Variants in FGGY observed in about 807,000 individuals in gnomAD.
FGGY encodes FGGY carbohydrate kinase domain containing.
In FGGY, 72 loss-of-function variants were observed where a neutral mutation model predicts 71.3. That is an observed-to-expected ratio of 1.01 (90% CI 0.84 to 1.23). The LOEUF is 1.23. FGGY is among the 50% of genes most tolerant of loss of function. The pLI is 0.00. For missense variants in FGGY, 668 were observed against 682.3 expected, an observed-to-expected ratio of 0.98 and a Z score of 0.23; for synonymous variants, 251 against 250.3, an observed-to-expected ratio of 1.00 and a Z score of -0.02.
chr1:59,297,701 C>CA (rs1212628299), intron 1 of FGGY, among the ~76,000 whole-genome samples: 5 of 152,010 alleles, frequency 3.3e-5, no homozygotes, highest in Admixed American at 1.3e-4. Flanking sequence ...CGGGCGCCTG[C>CA]AGTCCCAGCT....
At chr1:59,592,682 A>G (rs188617791) in intron 8 of FGGY, among the ~76,000 whole-genome samples, 343 of 152,062 alleles carry the variant, frequency 2.3e-3, no homozygotes, top group African/African-American at 7.7e-3. Context: ...AACTATAGCA[A>G]GAACAAAAGA....
intron 8 of FGGY, among the ~76,000 whole-genome samples, chr1:59,602,901 C>T (rs115540937): frequency 1.3e-3 from 199 of 152,244 alleles, no homozygotes; most frequent in Middle Eastern, 3.4e-3. Flanking sequence ...CTGAGGTAAG[C>T]GACCATGCCA....
At chr1:59,419,230 T>C (rs113282017) in intron 5 of FGGY, among the ~76,000 whole-genome samples, 2,228 of 152,290 alleles carry the variant, frequency 0.015, 59 homozygotes, top group African/African-American at 0.051. Context: ...TATATGATTA[T>C]GGCTTTTTAG....
Position 59,607,831 on chromosome 1 carries a change from G to T in FGGY, c.932G>T (p.Gly311Val), listed in dbSNP as rs960761496. ...AGCAAAGACCCGATTTTTGTACCAG[G>T]CGTCTGGGGGCCTTATTTCTCAGCC... ...GISKDPIFVPGVWGPYFSAMV... is the reference protein window; with the variant it reads ...GISKDPIFVPVVWGPYFSAMV... The change falls in exon 9 of 16, where the codon GGC becomes GTC. Residue 311 changes from glycine to valine, a missense_variant. By Grantham distance (109) the Gly-to-Val change is moderately radical. This residue lies in a region of FGGY where 661 missense variants were observed against 661.6 expected (regional missense o/e 1.00). Transcript: ENST00000303721. The T allele has an allele frequency of 1.2e-6, 2 of 1,613,690 alleles. No homozygotes were observed. Among genetic ancestry groups the T allele is most frequent in the African/African-American group, 2.7e-5 (2 of 74,884 alleles).
intron 8 of FGGY, among the ~76,000 whole-genome samples, chr1:59,595,158 T>C (rs1434819412): frequency 6.6e-6 from 1 of 152,184 alleles, no homozygotes; most frequent in Non-Finnish European, 1.5e-5. Flanking sequence ...GAGCAAGGCT[T>C]TGACCTTCTG....
chr1:59,597,405 C>T (rs993086600), intron 8 of FGGY, among the ~76,000 whole-genome samples: 1 of 152,120 alleles, frequency 6.6e-6, no homozygotes, highest in Non-Finnish European at 1.5e-5. Context: ...AGAAATTAAC[C>T]CATCTGAGTG....
At chr1:59,563,581 G>T (rs552840850) in intron 8 of FGGY, among the ~76,000 whole-genome samples, 2 of 152,168 alleles carry the variant, frequency 1.3e-5, no homozygotes, top group Middle Eastern at 3.2e-3. Flanking sequence ...CTCATGGATA[G>T]GAAGAATCAA....
intron 8 of FGGY, among the ~76,000 whole-genome samples, chr1:59,601,778 G>A (rs766404805): frequency 6.6e-6 from 1 of 152,180 alleles, no homozygotes; most frequent in Non-Finnish European, 1.5e-5. Flanking sequence ...TAAAACAGTA[G>A]TTTGAAATCA....
intron 7 of FGGY, among the ~76,000 whole-genome samples, chr1:59,549,723 C>T (rs1023241704): frequency 2.0e-5 from 3 of 152,084 alleles, no homozygotes; most frequent in East Asian, 3.8e-4. Context: ...ACTGCCACAG[C>T]GTGATAAATT....
At position 59,434,967 on chromosome 1, in the gene FGGY, T is replaced by G. The variant is rs115489721; in HGVS notation, c.555-21994T>G. 2.2e-3 allele frequency among the ~76,000 whole-genome samples: 338 copies of G among 152,232 alleles called. 4 individuals are homozygous for G. Among genetic ancestry groups the G allele is most frequent in the African/African-American group, 7.6e-3 (317 of 41,514 alleles). ...CCAATTTAAGTCTTCAGACAAAAAT[T>G]TACAACTCCTTATTGACAGAGTACC... is the stretch of plus-strand genomic sequence containing the variant. On this transcript the variant is annotated intron_variant, in intron 5 of 15. Transcript: ENST00000303721.
At chr1:59,552,625 G>A (rs549626130) in intron 7 of FGGY, among the ~76,000 whole-genome samples, 7 of 152,206 alleles carry the variant, frequency 4.6e-5, no homozygotes, top group South Asian at 4.1e-4. Flanking sequence ...CCACCCTGCC[G>A]TTTACCTGGC....
In FGGY at chr1:59,324,307, C is replaced by T. The variant is rs575108840; in HGVS notation, c.201+2557C>T. On this transcript the variant is annotated intron_variant, in intron 2 of 15. Transcript: ENST00000303721. Reference sequence around the variant, plus strand: ...TTTTTTTTTTTTTGAGACGGAGTCTCGCTCTGTCGCCCAGGCTGGAGTGCA... The same window carrying T: ...TTTTTTTTTTTTTGAGACGGAGTCTTGCTCTGTCGCCCAGGCTGGAGTGCA... Among the ~76,000 whole-genome samples, 14 of 115,884 alleles carry T rather than the reference C, an allele frequency of 1.2e-4. No homozygotes were observed. The South Asian group carries it at 1.8e-3, about 15-fold the overall frequency. 76.0% of individuals were successfully genotyped at this position (115,884 alleles called of 152,430 possible).
chr1:59,587,298 G>A (rs374546327), intron 8 of FGGY, among the ~76,000 whole-genome samples: 17,254 of 149,618 alleles, frequency 0.12, 1,244 homozygotes, highest in South Asian at 0.29. Flanking sequence ...CTGGAAGCTC[G>A]AACTGGGTGG....
intron 14 of FGGY, among the ~76,000 whole-genome samples, chr1:59,693,834 C>T (rs2097621132): frequency 6.6e-6 from 1 of 151,666 alleles, no homozygotes; most frequent in Non-Finnish European, 1.5e-5. Flanking sequence ...TGGTGAAAAC[C>T]TGTCACTACA....
chr1:59,645,939 G>A (rs1352944858), intron 11 of FGGY, among the ~76,000 whole-genome samples: 1 of 152,230 alleles, frequency 6.6e-6, no homozygotes, highest in Non-Finnish European at 1.5e-5. Flanking sequence ...TGCTGGAGAG[G>A]TTGAATGCTG....
intron 7 of FGGY, 102 bp downstream of exon 7, chr1:59,512,541 C>A: frequency 7.8e-7 from 1 of 1,282,310 alleles, no homozygotes. Flanking sequence ...AGGTCAAGGA[C>A]TTTGGTGTTT....
At chr1:59,486,676 C>T (rs1394106046) in intron 6 of FGGY, among the ~76,000 whole-genome samples, 4 of 152,120 alleles carry the variant, frequency 2.6e-5, no homozygotes, top group South Asian at 2.1e-4. Context: ...CCTTCTTATC[C>T]TCCTGGTCTC....
chr1:59,588,938 A>G (rs931975877), intron 8 of FGGY, among the ~76,000 whole-genome samples: 1 of 152,220 alleles, frequency 6.6e-6, no homozygotes, highest in Non-Finnish European at 1.5e-5. Flanking sequence ...CACACATAAC[A>G]ATATTAACTT....
chr1:59,381,659 GTGTGTGTGTGTA>G (rs892939638), intron 5 of FGGY, among the ~76,000 whole-genome samples: 11 of 129,650 alleles, frequency 8.5e-5, no homozygotes, highest in Admixed American at 6.5e-4. Flanking sequence ...GTGTGTGTGT[GTGTGTGTGTGTA>G]TATTTTGGCC....
Sources: allele counts gnomAD v4.1 joint callset (sites outside exome capture counted in the v4.1 genomes callset), GRCh38; gene constraint gnomAD v4.1.1; regional missense constraint gnomAD v4.1.1; transcripts MANE v1.5; gene names NCBI Gene and HGNC (gene_info 2026-07-23, HGNC 2026-07-21).